The following NOL11 variants were observed in gnomAD, a reference collection of about 807,000 sequenced individuals.
NOL11 encodes nucleolar protein 11.
Under a neutral mutation model 93.0 loss-of-function variants are expected in NOL11, and 42 were observed. That is an observed-to-expected ratio of 0.45 (90% CI 0.35 to 0.58). The LOEUF is 0.58. Among genes scored for constraint, NOL11 ranks in the 20% least tolerant of loss-of-function variants. The pLI is 0.00. For synonymous variants in NOL11, 296 were observed against 293.7 expected (o/e 1.01, Z -0.08); for missense variants, 775 against 841.8 (o/e 0.92, Z 0.98).
chr17:67,743,873 C>G lies in NOL11; in HGVS notation c.*14C>G. ...GAGCTCTTCTGATATTATCAATTCT[C>G]CTTCATAGACATTTTATAAAGCTCT... On this transcript the variant is annotated 3_prime_UTR_variant, in exon 18 of 18. Coordinates refer to ENST00000253247, the MANE Select transcript of NOL11 (RefSeq NM_015462.5). 1 of 1,196,942 alleles carries G rather than the reference C, an allele frequency of 8.4e-7. No individual in the cohort carries two copies. Among genetic ancestry groups the G allele is most frequent in the Non-Finnish European group, 1.2e-6 (1 of 840,888 alleles). 74.1% of individuals were successfully genotyped at this position (1,196,942 alleles called of 1,614,324 possible).
chr17:67,717,970 T>G lies in NOL11; in HGVS notation c.23T>G (p.Phe8Cys). 1 of 1,614,222 alleles carries G rather than the reference T, an allele frequency of 6.2e-7. No homozygotes were observed. Among genetic ancestry groups the G allele is most frequent in the Non-Finnish European group, 8.5e-7 (1 of 1,180,032 alleles). The change falls in exon 1 of 18, where the codon TTC becomes TGC. Residue 8 changes from phenylalanine (F) to cysteine (C), a missense_variant. Physicochemically the swap from Phe to Cys is radical, Grantham distance 205. Around this residue, in one of 2 missense-constraint regions of NOL11, gnomAD observed 359 missense variants for 316.5 expected, o/e 1.13. Transcript: ENST00000253247. ...AAAATGGCAGCGCTGGAGGAAGAAT[T>G]CACGTTGTCTTCGGTAGTCCTGAGC... is the stretch of plus-strand genomic sequence containing the variant. MAALEEEFTLSSVVLSAG... is the reference protein window; with the variant it reads MAALEEECTLSSVVLSAG...
At chr17:67,735,284 A>G (rs2055190766) in intron 8 of NOL11, among the ~76,000 whole-genome samples, 1 of 152,166 alleles carries the variant, frequency 6.6e-6, no homozygotes, top group Non-Finnish European at 1.5e-5. Context: ...TGTTTTGGTA[A>G]TTTTAATTTG....
intron 7 of NOL11, among the ~76,000 whole-genome samples, chr17:67,728,035 C>T (rs1483158282): frequency 6.6e-6 from 1 of 151,974 alleles, no homozygotes; most frequent in Non-Finnish European, 1.5e-5. Flanking sequence ...CCAAGACGGG[C>T]TGATCACAAG....
chr17:67,727,310 A>G (rs575224668), intron 7 of NOL11, among the ~76,000 whole-genome samples: 1 of 152,292 alleles, frequency 6.6e-6, no homozygotes, highest in South Asian at 2.1e-4. Context: ...AGTGCTCTCT[A>G]TTGACCACAC....
intron 1 of NOL11, 27 bp downstream of exon 1, chr17:67,718,115 C>T: frequency 6.2e-7 from 1 of 1,603,542 alleles, no homozygotes; most frequent in South Asian, 1.1e-5. Context: ...TGGGAGCGCC[C>T]CGACTGCCTT....
chr17:67,722,681 TTA>T, intron 5 of NOL11, 44 bp downstream of exon 5: 3 of 1,435,512 alleles, frequency 2.1e-6, no homozygotes, highest in East Asian at 2.6e-5. Context: ...TGAAATTTCT[TTA>T]AAAAAAAAAA....
chr17:67,736,877 T>C, intron 10 of NOL11, 123 bp downstream of exon 10: 1 of 810,224 alleles, frequency 1.2e-6, no homozygotes, highest in Non-Finnish European at 2.0e-6. Context: ...ACAGGACAGT[T>C]TGCGGCTTGA....
chr17:67,732,431 C>T (rs1315386543), intron 7 of NOL11, among the ~76,000 whole-genome samples: 3 of 143,902 alleles, frequency 2.1e-5, no homozygotes, highest in South Asian at 2.2e-4. Flanking sequence ...GTGGAGGTTG[C>T]GGTGAGCCAA....
At chr17:67,731,273 T>C (rs1175165497) in intron 7 of NOL11, among the ~76,000 whole-genome samples, 10 of 2,948 alleles carry the variant, frequency 3.4e-3, no homozygotes, top group Admixed American at 4.5e-3. Flanking sequence ...TTTTTTTTTT[T>C]TTTTTTTTGA....
At chr17:67,738,863 A>G in intron 14 of NOL11, 69 bp from the exon 15 acceptor site, 2 of 962,654 alleles carry the variant, frequency 2.1e-6, no homozygotes, top group Non-Finnish European at 3.2e-6. Context: ...ACATTGACAA[A>G]GGAAGTTACT....
At chr17:67,718,169 A>T in intron 1 of NOL11, 81 bp downstream of exon 1, 1 of 1,553,860 alleles carries the variant, frequency 6.4e-7, no homozygotes. Flanking sequence ...AGTTTCTCAC[A>T]GCTTCAGAAA....
rs1400123166 is a variant in NOL11 at position 67,731,376 on chromosome 17, G to A, written c.854-2987G>A. 6.8e-5 allele frequency among the ~76,000 whole-genome samples: 2 copies of A among 29,416 alleles called. 1 individual carries two copies. Among genetic ancestry groups the A allele is most frequent in the African/African-American group, 2.0e-4 (2 of 10,194 alleles). The allele number at this position is 29,416 out of a possible 152,430, so 19.3% of individuals were successfully genotyped here. On this transcript the variant is annotated intron_variant, in intron 7 of 17. Transcript: ENST00000253247. Reference sequence around the variant, plus strand: ...CCTTCCGGGTTCACGCCATTCTCCTGCCTCAGCCTCCCGAGTAGCTGGGAC... The same window carrying A: ...CCTTCCGGGTTCACGCCATTCTCCTACCTCAGCCTCCCGAGTAGCTGGGAC...
At chr17:67,734,856 A>C (rs931253715) in intron 8 of NOL11, among the ~76,000 whole-genome samples, 1 of 152,192 alleles carries the variant, frequency 6.6e-6, no homozygotes, top group Non-Finnish European at 1.5e-5. Context: ...TTATTGATCA[A>C]ATTTAAGAAT....
At chr17:67,732,416 G>A (rs143548331) in intron 7 of NOL11, among the ~76,000 whole-genome samples, 7,485 of 149,040 alleles carry the variant, frequency 0.05, 626 homozygotes, top group African/African-American at 0.17. Flanking sequence ...ACTTGAACCC[G>A]AGAGGTGGAG....
At chr17:67,723,005 CTTTTT>C (rs61233443) in intron 5 of NOL11, among the ~76,000 whole-genome samples, 3 of 124,576 alleles carry the variant, frequency 2.4e-5, no homozygotes, top group South Asian at 2.6e-4. Context: ...AATTTCAAAA[CTTTTT>C]TTTTTTTTTT....
Position 67,722,604 on chromosome 17 carries a change from C to G in NOL11, c.486C>G (p.Phe162Leu). The change falls in exon 5 of 18, where the codon TTC (phenylalanine) becomes TTG (leucine). Residue 162 changes from phenylalanine (F) to leucine (L), a missense_variant. This residue lies in a region of NOL11 where 359 missense variants were observed against 316.5 expected (regional missense o/e 1.13). Transcript: ENST00000253247. ...GATGGACAAAGTTTTTCGTAGTATT[C>G]AGACATCCTGTTTTAATTTTTATTA... is the stretch of plus-strand genomic sequence containing the variant. The part of the protein sequence containing the change: ...VIKWTKFFVV[F>L]RHPVLIFITE... 6.4e-7 allele frequency: 1 copy of G among 1,573,222 alleles called. No individual in the cohort carries two copies. The highest frequency in any genetic ancestry group is 1.2e-5 in the South Asian group (1 of 81,812).
At chr17:67,736,829 A>G (rs565639100) in intron 10 of NOL11, 75 bp downstream of exon 10, 3 of 1,128,758 alleles carry the variant, frequency 2.7e-6, no homozygotes, top group South Asian at 2.7e-5. Flanking sequence ...ATTTTAATGA[A>G]TCATATCCTT....
rs766575670 is a variant in NOL11, at chr17:67,743,605, T to C, written c.2043+19T>C. On this transcript the variant is annotated intron_variant, in intron 17 of 17. Transcript: ENST00000253247. ...ATCTCAGGTTTGTGATTATTTGATA[T>C]ATACTGATTTTATTTGTACCCAAGT... The C allele has an allele frequency of 4.2e-6, 6 of 1,435,360 alleles. No homozygotes were observed. The highest frequency in any genetic ancestry group is 1.9e-5 in the Admixed American group (1 of 53,186). The allele number at this position is 1,435,360 out of a possible 1,614,324, so 88.9% of individuals were successfully genotyped here. A position where few individuals can be genotyped will look rare whatever the true frequency, so the allele number is the denominator to read the frequency against.
intron 7 of NOL11, among the ~76,000 whole-genome samples, chr17:67,730,395 G>A (rs892761845): frequency 6.6e-6 from 1 of 152,118 alleles, no homozygotes; most frequent in Non-Finnish European, 1.5e-5. Context: ...CAAGTAGCTG[G>A]GACTACAGGT....
Sources: allele counts gnomAD v4.1 joint callset (sites outside exome capture counted in the v4.1 genomes callset), GRCh38; gene constraint gnomAD v4.1.1; regional missense constraint gnomAD v4.1.1; transcripts MANE v1.5; gene names NCBI Gene and HGNC (gene_info 2026-07-23, HGNC 2026-07-21).